Variants in MGLL observed in about 807,000 individuals in gnomAD.
MGLL encodes lysophospholipase homolog.
In MGLL, 7 loss-of-function variants were observed where a neutral mutation model predicts 29.1. The ratio of observed to expected loss-of-function variants is 0.24; its 90% CI spans 0.14 to 0.45. MGLL has a LOEUF of 0.45. MGLL is among the 20% of genes least tolerant of loss of function. The probability of loss-of-function intolerance (pLI) is 0.99; values close to 1 mark genes in which losing one functional copy is unlikely to be tolerated. For synonymous variants in MGLL, 148 were observed against 168.3 expected (o/e 0.88, Z 0.93); for missense variants, 356 against 413.6 (o/e 0.86, Z 1.21).
At chr3:127,808,074 T>G (rs2077600894) in intron 2 of MGLL, among the ~76,000 whole-genome samples, 1 of 152,124 alleles carries the variant, frequency 6.6e-6, no homozygotes, top group African/African-American at 2.4e-5. Flanking sequence ...ACTCTTTTTT[T>G]CTCTGCTCCA....
chr3:127,806,825 G>C (rs978322350), intron 2 of MGLL, among the ~76,000 whole-genome samples: 1 of 152,086 alleles, frequency 6.6e-6, no homozygotes, highest in South Asian at 2.1e-4. Flanking sequence ...TCAGGAGTTC[G>C]AGACCAGCCT....
intron 5 of MGLL, chr3:127,712,931 T>C (rs1290580613): frequency 6.6e-6 from 1 of 152,250 alleles, no homozygotes; most frequent in Non-Finnish European, 1.5e-5. Context: ...GGATCTGTGC[T>C]TTCAAAGGTT....
chr3:127,727,151 C>A (rs2076061010), intron 3 of MGLL, among the ~76,000 whole-genome samples: 1 of 152,132 alleles, frequency 6.6e-6, no homozygotes, highest in South Asian at 2.1e-4. Context: ...CAAGAACTTC[C>A]CCCCTTCCTC....
intron 6 of MGLL, among the ~76,000 whole-genome samples, chr3:127,701,240 A>G (rs1461625007): frequency 7.0e-6 from 1 of 142,554 alleles, no homozygotes; most frequent in African/African-American, 2.6e-5. Flanking sequence ...AAAAGCCACC[A>G]CCAACAACAA....
rs2075214115 is a variant in MGLL at position 127,689,964 on chromosome 3, G to A, written c.*2234C>T. ...GGAATGCAAATGCTACTGAAGTGCT[G>A]TGTGTGTCTCTGTGAGAGCCTTCAT... is the stretch of plus-strand genomic sequence containing the variant. On this transcript the variant is annotated 3_prime_UTR_variant, in exon 8 of 8. Transcript: ENST00000265052. The A allele has an allele frequency of 6.6e-6, 1 of 152,186 alleles. No homozygotes were observed. 9.4% of individuals were successfully genotyped at this position (152,186 alleles called of 1,614,324 possible).
intron 2 of MGLL, among the ~76,000 whole-genome samples, chr3:127,802,763 C>T (rs1009434400): frequency 3.3e-5 from 5 of 152,216 alleles, no homozygotes; most frequent in African/African-American, 9.6e-5. Flanking sequence ...CAAAGGGCTC[C>T]TCTGAGGCGA....
intron 3 of MGLL, among the ~76,000 whole-genome samples, chr3:127,747,394 T>G (rs1371037335): frequency 6.6e-6 from 1 of 152,180 alleles, no homozygotes; most frequent in Non-Finnish European, 1.5e-5. Flanking sequence ...CCAACTCCAG[T>G]GTTATCACAG....
At chr3:127,758,625 C>G (rs1169551427) in intron 3 of MGLL, among the ~76,000 whole-genome samples, 2 of 152,202 alleles carry the variant, frequency 1.3e-5, no homozygotes, top group African/African-American at 4.8e-5. Flanking sequence ...GTGCCAGTCT[C>G]CTTTCCTAAC....
chr3:127,710,434 C>T, intron 6 of MGLL, 142 bp downstream of exon 6: 1 of 801,396 alleles, frequency 1.2e-6, no homozygotes, highest in East Asian at 2.7e-5. Context: ...CCAACCATGT[C>T]TAATGCACCA....
At chr3:127,759,121 C>T (rs1031994365) in intron 3 of MGLL, among the ~76,000 whole-genome samples, 1 of 152,010 alleles carries the variant, frequency 6.6e-6, no homozygotes, top group Non-Finnish European at 1.5e-5. Flanking sequence ...GATGAGGTTT[C>T]GCCATGTTGG....
At chr3:127,699,659 A>G (rs2075439643) in intron 6 of MGLL, among the ~76,000 whole-genome samples, 1 of 152,206 alleles carries the variant, frequency 6.6e-6, no homozygotes, top group African/African-American at 2.4e-5. Flanking sequence ...GCCACTTACC[A>G]TGCTCTGCTG....
At chr3:127,781,046 C>A (rs2077114795) in intron 3 of MGLL, among the ~76,000 whole-genome samples, 1 of 152,132 alleles carries the variant, frequency 6.6e-6, no homozygotes, top group South Asian at 2.1e-4. Context: ...TGCTACAGAA[C>A]AAAGAATCAA....
chr3:127,726,204 AAGAC>A (rs201135864), intron 3 of MGLL, among the ~76,000 whole-genome samples: 16,471 of 111,524 alleles, frequency 0.15, 1,610 homozygotes, highest in Non-Finnish European at 0.23. Flanking sequence ...GAAAGAAAGA[AAGAC>A]AGAAGGAAGG....
intron 2 of MGLL, among the ~76,000 whole-genome samples, chr3:127,795,987 G>T (rs2077376581): frequency 2.0e-5 from 3 of 152,064 alleles, no homozygotes; most frequent in Non-Finnish European, 4.4e-5. Flanking sequence ...TTTAAATCCT[G>T]CTTTTGATTC....
intron 3 of MGLL, 76 bp from the exon 4 acceptor site, chr3:127,722,642 T>A: frequency 6.3e-7 from 1 of 1,591,744 alleles, no homozygotes; most frequent in Non-Finnish European, 8.6e-7. Flanking sequence ...TTCTCCTCAC[T>A]GCAATCGCTC....
chr3:127,789,312 G>A (rs1039852729), intron 2 of MGLL, among the ~76,000 whole-genome samples: 4 of 152,184 alleles, frequency 2.6e-5, no homozygotes, highest in African/African-American at 4.8e-5. Context: ...GAAAAGGCCC[G>A]GGACCCATCT....
chr3:127,810,388 G>A lies in MGLL; in HGVS notation c.155+11306C>T, dbSNP rs144534376. On this transcript the variant is annotated intron_variant, in intron 2 of 7. Transcript: ENST00000265052. ...AAACTTACATTCTGCCATGCACTTC[G>A]GACTCCAGTTTCCAAATAATCCTTG... 4.9e-3 allele frequency among the ~76,000 whole-genome samples: 740 copies of A among 152,246 alleles called. 3 individuals are homozygous for A. Among genetic ancestry groups the A allele is most frequent in the South Asian group, 0.022 (107 of 4,812 alleles).
intron 3 of MGLL, among the ~76,000 whole-genome samples, chr3:127,736,897 G>C (rs577805975): frequency 7.5e-4 from 114 of 152,254 alleles, no homozygotes; most frequent in Non-Finnish European, 1.3e-3. Flanking sequence ...GTTTCACCTT[G>C]TTGGCCAGGC....
intron 6 of MGLL, among the ~76,000 whole-genome samples, chr3:127,700,830 C>T (rs946403475): frequency 7.9e-5 from 12 of 152,156 alleles, no homozygotes; most frequent in Non-Finnish European, 7.3e-5. Flanking sequence ...TGGAAAGCCC[C>T]GATAGCTTGC....
Sources: allele counts gnomAD v4.1 joint callset (sites outside exome capture counted in the v4.1 genomes callset), GRCh38; gene constraint gnomAD v4.1.1; transcripts MANE v1.5; gene names NCBI Gene and HGNC (gene_info 2026-07-23, HGNC 2026-07-21).